The following TPRA1 variants were observed in gnomAD, a reference collection of about 807,000 sequenced individuals.
TPRA1 encodes transmembrane protein adipocyte-associated 1.
A neutral mutation model predicts 40.1 loss-of-function variants in TPRA1; 28 were observed. That is an observed-to-expected ratio of 0.70 (90% CI 0.52 to 0.96). The LOEUF is 0.96. Ranked by LOEUF, TPRA1 falls within the 40% of genes least tolerant of loss-of-function variation. TPRA1 has a pLI of 0.00. For missense variants in TPRA1, 441 were observed against 482.6 expected, an observed-to-expected ratio of 0.91 and a Z score of 0.81; for synonymous variants, 219 against 209.7, an observed-to-expected ratio of 1.04 and a Z score of -0.38.
At chr3:127,595,855 T>C (rs2074235551) in intron 1 of TPRA1, among the ~76,000 whole-genome samples, 1 of 152,134 alleles carries the variant, frequency 6.6e-6, no homozygotes, top group African/African-American at 2.4e-5. Flanking sequence ...AACTAAGTCT[T>C]CAGTCCAACA....
In TPRA1 at chr3:127,576,106, C is replaced by T. The variant is rs2107626068; in HGVS notation, c.499-56G>A. On this transcript the variant is annotated intron_variant, in intron 6 of 10. Coordinates refer to ENST00000355552, the MANE Select transcript of TPRA1 (RefSeq NM_001136053.4). The surrounding 1 kb of genome is among the most constrained non-coding windows in gnomAD (Gnocchi z 4.6). ...AGAGGATCTCAAGGCTTCTCTCTCCCAGGGGCTTTCCCTGATGCAAAGCCC... is the reference window on the plus strand; with the variant it reads ...AGAGGATCTCAAGGCTTCTCTCTCCTAGGGGCTTTCCCTGATGCAAAGCCC... The T allele has an allele frequency of 7.0e-7, 1 of 1,422,512 alleles. No homozygotes were observed. Among genetic ancestry groups the T allele is most frequent in the African/African-American group, 1.4e-5 (1 of 70,934 alleles). 88.1% of individuals were successfully genotyped at this position (1,422,512 alleles called of 1,614,324 possible).
rs571520832 is a variant in TPRA1 at position 127,571,684 on chromosome 3, A to C, written c.*1837T>G. 13 of 152,320 alleles carry C rather than the reference A, an allele frequency of 8.5e-5. No homozygotes were observed. In the East Asian group the frequency reaches 2.1e-3, roughly 25 times the overall value. 9.4% of individuals were successfully genotyped at this position (152,320 alleles called of 1,614,324 possible). A position where few individuals can be genotyped will look rare whatever the true frequency, so the allele number is the denominator to read the frequency against. Reference sequence around the variant, plus strand: ...GGTGTGAACACAGGATGGCTCTGGAAGGTTATGGAGACCCTGGGTGCTTCA... The same window carrying C: ...GGTGTGAACACAGGATGGCTCTGGACGGTTATGGAGACCCTGGGTGCTTCA... On this transcript the variant is annotated 3_prime_UTR_variant, in exon 11 of 11. Transcript: ENST00000355552.
Position 127,579,873 on chromosome 3 carries a change from C to G in TPRA1, c.126-1G>C. On this transcript the variant is annotated splice_acceptor_variant, in intron 2 of 10. Coordinates refer to ENST00000355552, the MANE Select transcript of TPRA1 (RefSeq NM_001136053.4). LOFTEE classifies it high-confidence loss of function. ...CAGCAAGAGGTCCCAGTACCGGACC[C>G]TGGCGGATGGGCACAGGAGCTGGCT... The G allele has an allele frequency of 6.2e-7, 1 of 1,613,560 alleles. No individual in the cohort carries two copies. Among genetic ancestry groups the G allele is most frequent in the Non-Finnish European group, 8.5e-7 (1 of 1,180,020 alleles).
intron 1 of TPRA1, among the ~76,000 whole-genome samples, chr3:127,585,964 G>A (rs1250338387): frequency 6.6e-6 from 1 of 152,196 alleles, no homozygotes; most frequent in Non-Finnish European, 1.5e-5. Context: ...CCAAATGTCT[G>A]CAATGCATAG....
intron 1 of TPRA1, among the ~76,000 whole-genome samples, chr3:127,580,652 C>T (rs1490762304): frequency 1.4e-4 from 21 of 152,256 alleles, no homozygotes; most frequent in African/African-American, 4.8e-4. Flanking sequence ...AGCGGTCAGC[C>T]ATGGTTCTGA....
intron 3 of TPRA1, among the ~76,000 whole-genome samples, 157 bp from the exon 4 acceptor site, chr3:127,577,233 A>AGG (rs112685275): frequency 0.039 from 5,885 of 152,200 alleles, 370 homozygotes; most frequent in African/African-American, 0.13. Context: ...GGTGGGGATC[A>AGG]CTCCAGGAAG....
rs373511379 is a variant in TPRA1, at chr3:127,580,450, C to T, written c.-17-287G>A. 142 of 358,730 alleles carry T rather than the reference C, an allele frequency of 4.0e-4. 2 individuals carry two copies. In the South Asian group the frequency reaches 4.5e-3, roughly 11 times the overall value. 22.2% of individuals were successfully genotyped at this position (358,730 alleles called of 1,614,324 possible). A position where few individuals can be genotyped will look rare whatever the true frequency, so the allele number is the denominator to read the frequency against. On this transcript the variant is annotated intron_variant, in intron 1 of 10. Coordinates refer to ENST00000355552, the MANE Select transcript of TPRA1 (RefSeq NM_001136053.4). ...CCATGTGCAAGGCACAGCCACTTGG[C>T]TCCTTTCAGTCCTGAGGGCCCATGA...
chr3:127,577,123 G>A, intron 3 of TPRA1, 47 bp from the exon 4 acceptor site: 1 of 1,596,402 alleles, frequency 6.3e-7, no homozygotes, highest in African/African-American at 1.3e-5. Flanking sequence ...AAGAGCCTCT[G>A]CATCGGCAGG....
chr3:127,574,287 G>C (rs1426868758), intron 10 of TPRA1, among the ~76,000 whole-genome samples: 1 of 152,198 alleles, frequency 6.6e-6, no homozygotes, highest in African/African-American at 2.4e-5. Context: ...AAAGATCCAA[G>C]CTGGGGCCAT....
rs2073368191 is a variant in TPRA1, at chr3:127,571,259, C to A, written c.*2262G>T. 6.6e-6 allele frequency: 1 copy of A among 152,202 alleles called. No individual in the cohort carries two copies. Among genetic ancestry groups the A allele is most frequent in the Admixed American group, 6.5e-5 (1 of 15,278 alleles). 9.4% of individuals were successfully genotyped at this position (152,202 alleles called of 1,614,324 possible). Reference sequence around the variant, plus strand: ...GGCCAGAACCCACCTGCAAGGAAGGCTAGAAAATGCAGTCTTTATTCTAGA... The same window carrying A: ...GGCCAGAACCCACCTGCAAGGAAGGATAGAAAATGCAGTCTTTATTCTAGA... On this transcript the variant is annotated 3_prime_UTR_variant, in exon 11 of 11. Transcript: ENST00000355552.
At chr3:127,583,619 G>A (rs1280398801) in intron 1 of TPRA1, among the ~76,000 whole-genome samples, 1 of 151,842 alleles carries the variant, frequency 6.6e-6, no homozygotes, top group African/African-American at 2.4e-5. Context: ...GAAAGAAGAT[G>A]GCTCCTTCCC....
chr3:127,587,503 G>A (rs1020265524), intron 1 of TPRA1, among the ~76,000 whole-genome samples: 1 of 152,042 alleles, frequency 6.6e-6, no homozygotes, highest in Non-Finnish European at 1.5e-5. Context: ...ACAAGACGGG[G>A]CTGCACTGCT....
chr3:127,576,831 G>C lies in TPRA1; in HGVS notation c.408C>G (p.Gly136=). The stretch of plus-strand genomic sequence containing the variant: ...CAGCGGTACACACACCAAAGGCCAG[G>C]CCCAGGATGATCACACTCAGCTCGA... ...LAIELSVIIL[G]LAFGHLESKS... The change falls in exon 5 of 11, where the codon GGC becomes GGG. Residue 136 remains glycine, a synonymous_variant. Coordinates refer to ENST00000355552, the MANE Select transcript of TPRA1 (RefSeq NM_001136053.4). The surrounding 1 kb of genome is among the most constrained non-coding windows in gnomAD (Gnocchi z 4.6). 1 of 1,613,970 alleles carries C rather than the reference G, an allele frequency of 6.2e-7. No individual in the cohort carries two copies. The highest frequency in any genetic ancestry group is 2.2e-5 in the East Asian group (1 of 44,876).
chr3:127,588,773 C>T (rs2074078877), intron 1 of TPRA1, among the ~76,000 whole-genome samples: 1 of 152,220 alleles, frequency 6.6e-6, no homozygotes, highest in Non-Finnish European at 1.5e-5. Flanking sequence ...AGACATGGTG[C>T]TCAGTGCTTT....
intron 1 of TPRA1, among the ~76,000 whole-genome samples, chr3:127,584,924 C>T (rs576681952): frequency 5.3e-5 from 8 of 151,956 alleles, no homozygotes; most frequent in South Asian, 2.1e-4. Context: ...AATATAGATA[C>T]GACAGTGGGA....
Position 127,577,048 on chromosome 3 carries a change from G to A in TPRA1, c.287C>T (p.Ala96Val), listed in dbSNP as rs758797815. The change falls in exon 4 of 11, where the codon GCC becomes GTC. Residue 96 changes from alanine to valine, a missense_variant. By Grantham distance (64) the Ala-to-Val change is moderately conservative. Coordinates refer to ENST00000355552, the MANE Select transcript of TPRA1 (RefSeq NM_001136053.4). ...LVFVVALVGI[A>V]RAVVSMTVST... The stretch of plus-strand genomic sequence containing the variant: ...CACCGTCATGGATACCACGGCCCGG[G>A]CAATGCCCACCAGCGCCACCACAAA... 1 of 1,613,576 alleles carries A rather than the reference G, an allele frequency of 6.2e-7. No homozygotes were observed. The highest frequency in any genetic ancestry group is 8.5e-7 in the Non-Finnish European group (1 of 1,180,036).
At chr3:127,584,070 C>A (rs1282793415) in intron 1 of TPRA1, among the ~76,000 whole-genome samples, 2 of 151,820 alleles carry the variant, frequency 1.3e-5, no homozygotes, top group Non-Finnish European at 2.9e-5. Flanking sequence ...GCAGACAAGG[C>A]CCTGCCCTCA....
chr3:127,576,524 G>A lies in TPRA1; in HGVS notation c.498+93C>T. 8.2e-7 allele frequency: 1 copy of A among 1,217,102 alleles called. No homozygotes were observed. The highest frequency in any genetic ancestry group is 1.1e-6 in the Non-Finnish European group (1 of 876,542). The allele number at this position is 1,217,102 out of a possible 1,614,324, so 75.4% of individuals were successfully genotyped here. ...GTGCAAAGTTTTGAGAACTCTGAAG[G>A]TGATAAAGACTGGAAACCTGACCCA... On this transcript the variant is annotated intron_variant, in intron 6 of 10. Coordinates refer to ENST00000355552, the MANE Select transcript of TPRA1 (RefSeq NM_001136053.4). This position sits in a 1 kb window ranked among gnomAD's most constrained non-coding sequence, Gnocchi z 4.6.
rs749372350 is a variant in TPRA1 at position 127,575,399 on chromosome 3, G to A, written c.773+4C>T. ...GAGGCAGACACCCTGCGGCCCCCACGCACCAGAGCCCCTCGATGATGTCGA... is the reference window on the plus strand; with the variant it reads ...GAGGCAGACACCCTGCGGCCCCCACACACCAGAGCCCCTCGATGATGTCGA... On this transcript the variant is annotated splice_donor_region_variant and intron_variant, in intron 9 of 10. Coordinates refer to ENST00000355552, the MANE Select transcript of TPRA1 (RefSeq NM_001136053.4). The A allele has an allele frequency of 4.5e-5, 71 of 1,578,340 alleles. No homozygotes were observed. In the South Asian group the frequency reaches 6.0e-4, roughly 13 times the overall value.
Sources: allele counts gnomAD v4.1 joint callset (sites outside exome capture counted in the v4.1 genomes callset), GRCh38; gene constraint gnomAD v4.1.1; non-coding constraint Gnocchi (gnomAD v3.1); transcripts MANE v1.5; gene names NCBI Gene and HGNC (gene_info 2026-07-23, HGNC 2026-07-21).